The following DEFB128 variants were observed in gnomAD, a reference collection of about 807,000 sequenced individuals.
The protein encoded by DEFB128 is defensin beta 128.
In DEFB128, 1 loss-of-function variant was observed where a neutral mutation model predicts 2.4. The ratio of observed to expected loss-of-function variants is 0.41; its 90% CI spans 0.15 to 1.96. DEFB128 has a LOEUF of 1.96. Among genes scored for constraint, DEFB128 ranks in the 30% most tolerant of loss-of-function variants. DEFB128 has a pLI of 0.30. For synonymous variants in DEFB128, 59 were observed against 39.1 expected, an observed-to-expected ratio of 1.51 and a Z score of -1.89; for missense variants, 129 against 104.9, an observed-to-expected ratio of 1.23 and a Z score of -1.00.
Position 188,065 on chromosome 20 carries a change from T to C in DEFB128, c.103A>G (p.Lys35Glu), listed in dbSNP as rs1403901843. Residue 35 changes from lysine (K) to glutamate (E), a missense_variant, in exon 2 of 2, where the codon AAA (lysine) becomes GAA (glutamate). By Grantham distance (56) the Lys-to-Glu change is moderately conservative. Transcript: ENST00000334391. ...TCATATCTTTCTCCTACCTTGCATT[T>C]CTTCCTGCAATAGCCTGTTACTTTA... ...FNKVTGYCRK[K>E]CKVGERYEIG... 1 of 1,614,006 alleles carries C rather than the reference T, an allele frequency of 6.2e-7. No individual in the cohort carries two copies. Among genetic ancestry groups the C allele is most frequent in the Non-Finnish European group, 8.5e-7 (1 of 1,179,980 alleles).
chr20:187,986 T>A lies in DEFB128; in HGVS notation c.182A>T (p.Lys61Ile). 6.2e-7 allele frequency: 1 copy of A among 1,614,108 alleles called. No individual in the cohort carries two copies. The highest frequency in any genetic ancestry group is 8.5e-7 in the Non-Finnish European group (1 of 1,179,952). ...LCCANDEEEK[K>I]HVSFKKPHQH... ...ATGTGGCTTCTTAAATGACACATGT[T>A]TTTTCTCTTCTTCATCATTAGCACA... Residue 61 changes from lysine (K) to isoleucine (I), a missense_variant, in exon 2 of 2, where the codon AAA becomes ATA. By Grantham distance (102) the Lys-to-Ile change is moderately radical. Coordinates refer to ENST00000334391, the MANE Select transcript of DEFB128 (RefSeq NM_001037732.3).
chr20:188,425 C>T (rs951642113), intron 1 of DEFB128, among the ~76,000 whole-genome samples: 1 of 152,164 alleles, frequency 6.6e-6, no homozygotes, highest in Non-Finnish European at 1.5e-5. Flanking sequence ...GCAAAGCTGA[C>T]TCTCTCCACC....
At chr20:188,637 A>C (rs1002793353) in intron 1 of DEFB128, among the ~76,000 whole-genome samples, 12 of 152,288 alleles carry the variant, frequency 7.9e-5, no homozygotes, top group East Asian at 1.9e-4. Flanking sequence ...TCCCTTTGAC[A>C]AGATCTCATG....
chr20:187,981 C>T lies in DEFB128; in HGVS notation c.187G>A (p.Val63Met). The T allele has an allele frequency of 6.2e-7, 1 of 1,613,706 alleles. No individual in the cohort carries two copies. The highest frequency in any genetic ancestry group is 1.1e-5 in the South Asian group (1 of 91,032). Residue 63 changes from valine to methionine, a missense_variant, in exon 2 of 2, where the codon GTG (valine) becomes ATG (methionine). By Grantham distance (21) the Val-to-Met change is conservative. Transcript: ENST00000334391. Reference sequence around the variant, plus strand: ...TGTTGATGTGGCTTCTTAAATGACACATGTTTTTTCTCTTCTTCATCATTA... The same window carrying T: ...TGTTGATGTGGCTTCTTAAATGACATATGTTTTTTCTCTTCTTCATCATTA... The part of the protein sequence containing the change: ...CANDEEEKKH[V>M]SFKKPHQHSG...
intron 1 of DEFB128, 23 bp downstream of exon 1, chr20:189,552 T>C (rs753846010): frequency 6.2e-7 from 1 of 1,607,728 alleles, no homozygotes; most frequent in Non-Finnish European, 8.5e-7. Context: ...CTTAGGATGT[T>C]ATAGTACATT....
At position 189,577 on chromosome 20, in the gene DEFB128, G is replaced by A. The variant is rs777616956; in HGVS notation, c.47C>T (p.Thr16Ile). Residue 16 changes from threonine to isoleucine, a missense_variant and splice_region_variant, in exon 1 of 2, where the codon ACA becomes ATA. Physicochemically the swap from Thr to Ile is moderately conservative, Grantham distance 89 (BLOSUM62 -1). Transcript: ENST00000334391. ...VLIILLFEVL[T>I]DGARLKKCFN... is the part of the protein sequence containing the mutation. The stretch of plus-strand genomic sequence containing the variant: ...TATAGTACATTTGGACAAGTTACCT[G>A]TGAGTACCTCAAACAGCAGAATAAT... The A allele has an allele frequency of 6.2e-7, 1 of 1,613,656 alleles. No homozygotes were observed. The highest frequency in any genetic ancestry group is 1.1e-5 in the South Asian group (1 of 91,064).
At chr20:188,274 C>A (rs2123050183) in intron 1 of DEFB128, among the ~76,000 whole-genome samples, 156 bp from the exon 2 acceptor site, 1 of 152,290 alleles carries the variant, frequency 6.6e-6, no homozygotes, top group Middle Eastern at 3.4e-3. Context: ...AAAAATATCC[C>A]AAATTAAGGA....
Position 188,048 on chromosome 20 carries a change from T to G in DEFB128, c.120A>C (p.Glu40Asp). 1 of 1,614,104 alleles carries G rather than the reference T, an allele frequency of 6.2e-7. No homozygotes were observed. Among genetic ancestry groups the G allele is most frequent in the Non-Finnish European group, 8.5e-7 (1 of 1,179,956 alleles). The change falls in exon 2 of 2, where the codon GAA becomes GAC. Residue 40 changes from glutamate (E) to aspartate (D), a missense_variant. Transcript: ENST00000334391. ...CACTTAGACATCCTATTTCATATCT[T>G]TCTCCTACCTTGCATTTCTTCCTGC... is the stretch of plus-strand genomic sequence containing the variant. The part of the protein sequence containing the change: ...GYCRKKCKVG[E>D]RYEIGCLSGK...
chr20:189,555 A>T lies in DEFB128; in HGVS notation c.49+20T>A. ...ATAGTAATATCTCTTAGGATGTTAT[A>T]GTACATTTGGACAAGTTACCTGTGA... On this transcript the variant is annotated intron_variant, in intron 1 of 1. Coordinates refer to ENST00000334391, the MANE Select transcript of DEFB128 (RefSeq NM_001037732.3). 2 of 1,608,946 alleles carry T rather than the reference A, an allele frequency of 1.2e-6. No homozygotes were observed. The highest frequency in any genetic ancestry group is 1.7e-6 in the Non-Finnish European group (2 of 1,175,368).
In DEFB128 at chr20:189,680, C is replaced by T. The variant is rs749537653; in HGVS notation, c.-57G>A. On this transcript the variant is annotated 5_prime_UTR_variant, in exon 1 of 2. Transcript: ENST00000334391. ...AGAACTTTGTCCAGTGGTCTGTGTGCCACAGGTCTTTAAAGATGATCCAGA... is the reference window on the plus strand; with the variant it reads ...AGAACTTTGTCCAGTGGTCTGTGTGTCACAGGTCTTTAAAGATGATCCAGA... 35 of 1,584,584 alleles carry T rather than the reference C, an allele frequency of 2.2e-5. No homozygotes were observed. The highest frequency in any genetic ancestry group is 1.7e-4 in the Middle Eastern group (1 of 6,016).
At chr20:188,755 CA>C (rs1363668692) in intron 1 of DEFB128, among the ~76,000 whole-genome samples, 1 of 152,144 alleles carries the variant, frequency 6.6e-6, no homozygotes, top group Non-Finnish European at 1.5e-5. Context: ...GCCCAGGGAT[CA>C]AATTCAATTC....
In DEFB128 at chr20:188,105, G is replaced by T. The variant is rs2011113404; in HGVS notation, c.63C>A (p.Leu21=). Residue 21 remains leucine, a synonymous_variant, in exon 2 of 2, where the codon CTC becomes CTA. Coordinates refer to ENST00000334391, the MANE Select transcript of DEFB128 (RefSeq NM_001037732.3). ...CTGTTACTTTATTGAAGCATTTTTT[G>T]AGTCTTGCCCCGTCTGTGCATAGGA... The part of the protein sequence containing the change: ...LFEVLTDGAR[L]KKCFNKVTGY... 5.0e-6 allele frequency: 8 copies of T among 1,613,598 alleles called. No individual in the cohort carries two copies. The East Asian group carries it at 1.6e-4, about 31-fold the overall frequency.
chr20:189,203 A>C (rs1190730279), intron 1 of DEFB128, among the ~76,000 whole-genome samples: 1 of 152,220 alleles, frequency 6.6e-6, no homozygotes, highest in Non-Finnish European at 1.5e-5. Context: ...ACATATTTTA[A>C]CCTCACATTG....
At position 188,201 on chromosome 20, in the gene DEFB128, T is replaced by C. The variant is rs2123050095; in HGVS notation, c.50-83A>G. The stretch of plus-strand genomic sequence containing the variant: ...TAGGTATGTGGTTCCCCACAAGTCA[T>C]GGCCTCCTATGGTCCCAAGTGAACA... On this transcript the variant is annotated intron_variant, in intron 1 of 1. Transcript: ENST00000334391. 9 of 1,213,606 alleles carry C rather than the reference T, an allele frequency of 7.4e-6. No homozygotes were observed. In the South Asian group the frequency reaches 9.7e-5, roughly 13 times the overall value. The allele number at this position is 1,213,606 out of a possible 1,614,324, so 75.2% of individuals were successfully genotyped here.
Position 188,253 on chromosome 20 carries a change from GC to G in DEFB128, c.50-136del. ...TATGCTGATAAAAGGAAACTCAGAGGCCCCTCCTTGAAAAATATCCCAAATT... is the reference window on the plus strand; with the variant it reads ...TATGCTGATAAAAGGAAACTCAGAGGCCCTCCTTGAAAAATATCCCAAATT... On this transcript the variant is annotated intron_variant, in intron 1 of 1. Coordinates refer to ENST00000334391, the MANE Select transcript of DEFB128 (RefSeq NM_001037732.3). 5 of 804,082 alleles carry G rather than the reference GC, an allele frequency of 6.2e-6. No homozygotes were observed. In the East Asian group the frequency reaches 1.3e-4, roughly 20 times the overall value. The allele number at this position is 804,082 out of a possible 1,614,324, so 49.8% of individuals were successfully genotyped here. A position where few individuals can be genotyped will look rare whatever the true frequency, so the allele number is the denominator to read the frequency against.
intron 1 of DEFB128, among the ~76,000 whole-genome samples, chr20:189,324 TTATAAAGATAATTCTAGATGA>T (rs2011118451): frequency 6.6e-6 from 1 of 152,168 alleles, no homozygotes; most frequent in African/African-American, 2.4e-5. Flanking sequence ...GTGTCCAGCA[TTATAAAGATAATTCTAGATGA>T]TGAGTTCATG....
Position 189,556 on chromosome 20 carries a change from G to A in DEFB128, c.49+19C>T, listed in dbSNP as rs754917044. The A allele has an allele frequency of 2.0e-5, 33 of 1,610,036 alleles. No individual in the cohort carries two copies. Among genetic ancestry groups the A allele is most frequent in the Non-Finnish European group, 2.7e-5 (32 of 1,176,434 alleles). On this transcript the variant is annotated intron_variant, in intron 1 of 1. Coordinates refer to ENST00000334391, the MANE Select transcript of DEFB128 (RefSeq NM_001037732.3). ...TAGTAATATCTCTTAGGATGTTATA[G>A]TACATTTGGACAAGTTACCTGTGAG... is the stretch of plus-strand genomic sequence containing the variant.
intron 1 of DEFB128, among the ~76,000 whole-genome samples, chr20:189,024 T>C (rs1281009326): frequency 6.6e-6 from 1 of 152,196 alleles, no homozygotes; most frequent in Non-Finnish European, 1.5e-5. Context: ...AAGGTAACTC[T>C]CACTGACAGG....
At position 189,581 on chromosome 20, in the gene DEFB128, G is replaced by C. The variant is rs756820058; in HGVS notation, c.43C>G (p.Leu15Val). 1.2e-6 allele frequency: 2 copies of C among 1,613,774 alleles called. No individual in the cohort carries two copies. Among genetic ancestry groups the C allele is most frequent in the Non-Finnish European group, 1.7e-6 (2 of 1,179,754 alleles). ...LVLIILLFEVLTDGARLKKCF... is the reference protein window; with the variant it reads ...LVLIILLFEVVTDGARLKKCF... ...GTACATTTGGACAAGTTACCTGTGA[G>C]TACCTCAAACAGCAGAATAATGAGA... is the stretch of plus-strand genomic sequence containing the variant. Residue 15 changes from leucine to valine, a missense_variant, in exon 1 of 2, where the codon CTC (leucine) becomes GTC (valine). By Grantham distance (32) the Leu-to-Val change is conservative. Coordinates refer to ENST00000334391, the MANE Select transcript of DEFB128 (RefSeq NM_001037732.3).
Sources: allele counts gnomAD v4.1 joint callset (sites outside exome capture counted in the v4.1 genomes callset), GRCh38; gene constraint gnomAD v4.1.1; transcripts MANE v1.5; gene names NCBI Gene and HGNC (gene_info 2026-07-23, HGNC 2026-07-21).